The following LYPD6 variants were observed in gnomAD, a reference collection of about 807,000 sequenced individuals.
LYPD6 encodes the protein LY6/PLAUR domain containing 6.
In LYPD6, 15 loss-of-function variants were observed where a neutral mutation model predicts 22.7. The ratio of observed to expected loss-of-function variants is 0.66; its 90% confidence interval spans 0.44 to 1.02. LYPD6 has a LOEUF of 1.02. Among genes scored for constraint, LYPD6 ranks in the 50% least tolerant of loss-of-function variants. The pLI, the probability that LYPD6 is intolerant of heterozygous loss-of-function variation, is 0.00. For missense variants in LYPD6, 189 were observed against 208.4 expected (o/e 0.91, Z 0.57); for synonymous variants, 72 against 77.5 (o/e 0.93, Z 0.37).
At chr2:149,426,702 G>T (rs563572478) in intron 1 of LYPD6, among the ~76,000 whole-genome samples, 1 of 152,256 alleles carries the variant, frequency 6.6e-6, no homozygotes, top group African/African-American at 2.4e-5. Flanking sequence ...AGCAATGGAA[G>T]AAACATTTCA....
the LYPD6 span, among the ~76,000 whole-genome samples, chr2:149,481,771 T>G: frequency 6.6e-6 from 1 of 152,238 alleles, no homozygotes. Context: ...TAAGCCAAAA[T>G]TCTCTCATTG....
intron 1 of LYPD6, among the ~76,000 whole-genome samples, chr2:149,343,682 G>A (rs1681203022): frequency 6.6e-6 from 1 of 152,204 alleles, no homozygotes; most frequent in African/African-American, 2.4e-5. Flanking sequence ...TGGGTGGAAA[G>A]GAAAGATGTT....
rs2105187058 is a variant in LYPD6 at position 149,472,713 on chromosome 2, A to C, written c.*1863A>C. On this transcript the variant is annotated 3_prime_UTR_variant, in exon 5 of 5. Coordinates refer to ENST00000334166, the MANE Select transcript of LYPD6 (RefSeq NM_194317.5). Reference sequence around the variant, plus strand: ...TAAGCACTTTACATAAGTTAGGATTAATCCCTGCAAGAATCCTATAAAGAA... The same window carrying C: ...TAAGCACTTTACATAAGTTAGGATTCATCCCTGCAAGAATCCTATAAAGAA... The C allele has an allele frequency of 6.5e-6, 1 of 152,730 alleles. No homozygotes were observed. Among genetic ancestry groups the C allele is most frequent in the Middle Eastern group, 3.4e-3 (1 of 294 alleles). The allele number at this position is 152,730 out of a possible 1,614,324, so 9.5% of individuals were successfully genotyped here. A position where few individuals can be genotyped will look rare whatever the true frequency, so the allele number is the denominator to read the frequency against.
chr2:149,418,734 T>A (rs1460473068), intron 1 of LYPD6, among the ~76,000 whole-genome samples: 1 of 152,322 alleles, frequency 6.6e-6, no homozygotes, highest in Non-Finnish European at 1.5e-5. Context: ...CAGGTTTCAA[T>A]GTTTGCTTCC....
chr2:149,440,693 C>CTTTTTTTTTTTT (rs764789006), intron 2 of LYPD6, among the ~76,000 whole-genome samples: 1 of 91,068 alleles, frequency 1.1e-5, no homozygotes, highest in Non-Finnish European at 1.9e-5. Flanking sequence ...TTCTGTCCAC[C>CTTTTTTTTTTTT]TTTTTTTTTT....
intron 1 of LYPD6, among the ~76,000 whole-genome samples, chr2:149,333,845 T>C (rs759467807): frequency 3.3e-5 from 5 of 152,190 alleles, no homozygotes; most frequent in African/African-American, 4.8e-5. Flanking sequence ...TTGCAGCATG[T>C]AATGATGAAT....
At chr2:149,348,961 AAGTG>A (rs1053471401) in intron 1 of LYPD6, among the ~76,000 whole-genome samples, 5 of 152,076 alleles carry the variant, frequency 3.3e-5, no homozygotes, top group Non-Finnish European at 5.9e-5. Flanking sequence ...TGTGGAGTAT[AAGTG>A]AGAAAGCAGT....
At chr2:149,421,810 G>T (rs774029500) in intron 1 of LYPD6, among the ~76,000 whole-genome samples, 1 of 152,084 alleles carries the variant, frequency 6.6e-6, no homozygotes, top group Non-Finnish European at 1.5e-5. Context: ...AACGGAATGG[G>T]TGAGGTTCTG....
intron 1 of LYPD6, among the ~76,000 whole-genome samples, chr2:149,390,844 T>G (rs1308793651): frequency 1.3e-5 from 2 of 152,238 alleles, no homozygotes; most frequent in African/African-American, 4.8e-5. Context: ...GGTTCTTCCT[T>G]GGAGAGATTC....
chr2:149,465,899 T>C (rs891983674), intron 3 of LYPD6, among the ~76,000 whole-genome samples: 4 of 152,212 alleles, frequency 2.6e-5, no homozygotes, highest in Non-Finnish European at 5.9e-5. Context: ...TACCATGTAG[T>C]TGCAGAATAT....
chr2:149,476,758 C>CTA (rs1681454323), downstream of LYPD6, among the ~76,000 whole-genome samples: 1 of 152,178 alleles, frequency 6.6e-6, no homozygotes, highest in Non-Finnish European at 1.5e-5. Context: ...TGTTTGGGTC[C>CTA]TATGGAATTT....
chr2:149,349,711 T>C (rs917918524), intron 1 of LYPD6, among the ~76,000 whole-genome samples: 3 of 152,236 alleles, frequency 2.0e-5, no homozygotes, highest in African/African-American at 7.2e-5. Context: ...TTATATTTTG[T>C]AGTAACTTGA....
intron 3 of LYPD6, among the ~76,000 whole-genome samples, chr2:149,463,871 G>A (rs1681140233): frequency 6.6e-6 from 1 of 152,036 alleles, no homozygotes; most frequent in African/African-American, 2.4e-5. Context: ...TTAGGGAAGG[G>A]GTGGGGGCAG....
At chr2:149,331,605 T>C (rs1573722108) in intron 1 of LYPD6, among the ~76,000 whole-genome samples, 1 of 151,828 alleles carries the variant, frequency 6.6e-6, no homozygotes, top group Non-Finnish European at 1.5e-5. Context: ...CCTAGAGGAC[T>C]CCAAAGACTT....
intron 1 of LYPD6, among the ~76,000 whole-genome samples, chr2:149,408,235 C>T (rs1368884675): frequency 6.6e-6 from 1 of 152,114 alleles, no homozygotes; most frequent in Admixed American, 6.5e-5. Flanking sequence ...TCTCCAGCTG[C>T]GTGCTGGGAG....
At chr2:149,345,296 C>A (rs1185419582) in intron 1 of LYPD6, among the ~76,000 whole-genome samples, 1 of 145,410 alleles carries the variant, frequency 6.9e-6, no homozygotes, top group African/African-American at 2.6e-5. Context: ...ATGGTCCACC[C>A]TTAATTTAAA....
chr2:149,440,828 G>A (rs757541379), intron 2 of LYPD6, among the ~76,000 whole-genome samples: 6 of 150,408 alleles, frequency 4.0e-5, no homozygotes, highest in Non-Finnish European at 8.9e-5. Flanking sequence ...AGCCTCCCGA[G>A]AAGCTGGGAC....
chr2:149,373,335 G>A (rs1358640809), intron 1 of LYPD6, among the ~76,000 whole-genome samples: 1 of 152,186 alleles, frequency 6.6e-6, no homozygotes, highest in Non-Finnish European at 1.5e-5. Context: ...AAATCAGTCT[G>A]AGCTGAAGTT....
chr2:149,372,126 A>G (rs1243635918), intron 1 of LYPD6, among the ~76,000 whole-genome samples: 2 of 152,136 alleles, frequency 1.3e-5, no homozygotes, highest in East Asian at 3.9e-4. Flanking sequence ...TGGCTTGAAA[A>G]TAGAGATTTG....
Sources: gnomAD v4.1 joint callset for allele counts (sites outside exome capture counted in the v4.1 genomes callset) on GRCh38, gnomAD v4.1.1 for gene constraint, MANE v1.5 for transcripts, NCBI Gene and HGNC (gene_info 2026-07-23, HGNC 2026-07-21) for gene names.